The following DOCK8 variants were observed in gnomAD, a reference collection of about 807,000 sequenced individuals.
DOCK8 encodes dedicator of cytokinesis 8.
Under a neutral mutation model 245.6 loss-of-function variants are expected in DOCK8, and 141 were observed. The observed-to-expected ratio is 0.57, with a 90% CI of 0.50 to 0.66. The LOEUF (loss-of-function observed/expected upper bound fraction) is 0.66, where lower values mean the gene tolerates loss of function less well. Ranked by LOEUF, DOCK8 falls within the 30% of genes least tolerant of loss-of-function variation. DOCK8 has a pLI of 0.00. For synonymous variants in DOCK8, 1,168 were observed against 970.2 expected, an observed-to-expected ratio of 1.20 and a Z score of -3.79; for missense variants, 2,965 against 2,603.4, an observed-to-expected ratio of 1.14 and a Z score of -3.02.
chr9:242,163 C>A (rs1042778350), intron 1 of DOCK8, among the ~76,000 whole-genome samples: 2 of 152,122 alleles, frequency 1.3e-5, no homozygotes, highest in Non-Finnish European at 2.9e-5. Context: ...TTATATGGTT[C>A]GTAAAGTTCA....
intron 6 of DOCK8, among the ~76,000 whole-genome samples, chr9:316,288 T>C (rs2050343254): frequency 6.6e-6 from 1 of 151,988 alleles, no homozygotes; most frequent in Non-Finnish European, 1.5e-5. Flanking sequence ...ATTACTGTTT[T>C]CAAGGATTTG....
intron 14 of DOCK8, among the ~76,000 whole-genome samples, chr9:360,016 T>TA (rs1297374280): frequency 1.3e-5 from 2 of 152,080 alleles, no homozygotes; most frequent in African/African-American, 2.4e-5. Flanking sequence ...TTCAAGCTGT[T>TA]AAAAAATGAA....
chr9:361,684 A>G (rs2052738917), intron 14 of DOCK8, among the ~76,000 whole-genome samples: 1 of 152,224 alleles, frequency 6.6e-6, no homozygotes, highest in Non-Finnish European at 1.5e-5. Flanking sequence ...CCACAAAATC[A>G]GCAAATATTT....
chr9:252,753 A>G (rs1458625648), intron 1 of DOCK8, among the ~76,000 whole-genome samples: 2 of 151,224 alleles, frequency 1.3e-5, no homozygotes, highest in Non-Finnish European at 2.9e-5. Flanking sequence ...AGCCGAGATC[A>G]CACCACTGCA....
chr9:265,377 A>G (rs767871149), intron 1 of DOCK8, among the ~76,000 whole-genome samples: 21 of 152,330 alleles, frequency 1.4e-4, no homozygotes, highest in Middle Eastern at 3.4e-3. Flanking sequence ...GCAAGGTTTA[A>G]TTATACTGTG....
chr9:265,475 T>G (rs577833802), intron 1 of DOCK8, among the ~76,000 whole-genome samples: 1 of 152,172 alleles, frequency 6.6e-6, no homozygotes, highest in Admixed American at 6.5e-5. Flanking sequence ...ATTTTTGGAG[T>G]GTTTTACAGT....
intron 1 of DOCK8, among the ~76,000 whole-genome samples, chr9:247,872 C>T (rs1285977554): frequency 4.0e-5 from 6 of 151,698 alleles, no homozygotes; most frequent in Admixed American, 1.3e-4. Flanking sequence ...TACTTCCAGA[C>T]TAAATTCTGT....
intron 9 of DOCK8, among the ~76,000 whole-genome samples, chr9:331,759 T>C (rs572882058): frequency 6.6e-6 from 1 of 152,346 alleles, no homozygotes; most frequent in Admixed American, 6.5e-5. Flanking sequence ...CCAGCATTCA[T>C]TCCTATCAAC....
chr9:448,496 C>G (rs1382434500), intron 44 of DOCK8, among the ~76,000 whole-genome samples: 1 of 152,202 alleles, frequency 6.6e-6, no homozygotes, highest in Non-Finnish European at 1.5e-5. Context: ...GTTCCATAGA[C>G]TGGGTGGCTT....
chr9:438,110 C>T (rs1298001444), intron 39 of DOCK8, among the ~76,000 whole-genome samples: 4 of 152,208 alleles, frequency 2.6e-5, no homozygotes, highest in South Asian at 2.1e-4. Context: ...CCTAAAACTA[C>T]GTTACAGTAT....
intron 1 of DOCK8, among the ~76,000 whole-genome samples, chr9:231,913 G>A (rs1219617542): frequency 6.6e-6 from 1 of 152,038 alleles, no homozygotes; most frequent in East Asian, 1.9e-4. Context: ...TGATTGCCCT[G>A]GCCAGAACTT....
At chr9:311,897 G>A (rs147381956) in intron 5 of DOCK8, 57 bp from the exon 6 acceptor site, 67 of 1,597,510 alleles carry the variant, frequency 4.2e-5, no homozygotes, top group Middle Eastern at 1.8e-4. Context: ...AAGATTCTTC[G>A]GTTCTCATTT....
At chr9:352,098 C>T (rs1345031317) in intron 14 of DOCK8, among the ~76,000 whole-genome samples, 1 of 152,110 alleles carries the variant, frequency 6.6e-6, no homozygotes, top group Non-Finnish European at 1.5e-5. Context: ...ATCAACCCCA[C>T]AGCAAGCCTA....
At chr9:239,064 A>G (rs77785326) in intron 1 of DOCK8, among the ~76,000 whole-genome samples, 2 of 152,206 alleles carry the variant, frequency 1.3e-5, no homozygotes, top group Non-Finnish European at 2.9e-5. Flanking sequence ...TGCACACTCC[A>G]CACAGACGGT....
chr9:400,276 A>C (rs1240031124), intron 26 of DOCK8, among the ~76,000 whole-genome samples: 3 of 77,980 alleles, frequency 3.8e-5, no homozygotes, highest in African/African-American at 1.5e-4. Flanking sequence ...CACCATCACC[A>C]CCACTTCCTT....
intron 32 of DOCK8, 52 bp downstream of exon 32, chr9:421,130 T>A (rs1477992842): frequency 6.2e-7 from 1 of 1,611,688 alleles, no homozygotes; most frequent in South Asian, 1.1e-5. Context: ...TTTCACTGTT[T>A]GTGGGGAGGA....
intron 7 of DOCK8, among the ~76,000 whole-genome samples, chr9:323,578 T>G (rs760780108): frequency 2.0e-5 from 3 of 152,172 alleles, no homozygotes; most frequent in Non-Finnish European, 2.9e-5. Flanking sequence ...ACATTCACAT[T>G]GTTCTGCAAC....
intron 2 of DOCK8, among the ~76,000 whole-genome samples, chr9:281,489 T>C (rs1404081529): frequency 6.6e-6 from 1 of 152,068 alleles, no homozygotes; most frequent in African/African-American, 2.4e-5. Context: ...ACCCAAGTCT[T>C]GCCTTGAACC....
chr9:326,508 C>A (rs180983981), intron 8 of DOCK8, among the ~76,000 whole-genome samples: 1 of 152,196 alleles, frequency 6.6e-6, no homozygotes, highest in Non-Finnish European at 1.5e-5. Flanking sequence ...GTTTCTGATT[C>A]AGCAAGTCCA....
Sources: allele counts gnomAD v4.1 joint callset (sites outside exome capture counted in the v4.1 genomes callset), GRCh38; gene constraint gnomAD v4.1.1; transcripts MANE v1.5; gene names NCBI Gene and HGNC (gene_info 2026-07-23, HGNC 2026-07-21).